LRRC4C: variants seen among roughly 807,000 people sequenced by gnomAD.
LRRC4C encodes the protein leucine-rich repeat-containing protein 4C.
A neutral mutation model predicts 33.6 loss-of-function variants in LRRC4C; 5 were observed. The observed-to-expected ratio is 0.15, with a 90% CI of 0.08 to 0.31. LRRC4C has a LOEUF of 0.31. LRRC4C is among the 10% of genes least tolerant of loss of function. LRRC4C has a pLI of 1.00. For missense variants in LRRC4C, 560 were observed against 796.7 expected (o/e 0.70, Z 3.58); for synonymous variants, 329 against 302.0 (o/e 1.09, Z -0.93).
chr11:41,080,342 C>CTTTTTTTTTTTTTTTTTTTTTTTTTTTTT (rs71060997), intron 1 of LRRC4C, among the ~76,000 whole-genome samples: 4 of 103,434 alleles, frequency 3.9e-5, no homozygotes, highest in African/African-American at 3.7e-5. Context: ...GAGTCTCCTC[C>CTTTTTTTTTTTTTTTTTTTTTTTTTTTTT]TTTTTTTTTT....
chr11:40,582,515 T>TCAG (rs779957834), intron 3 of LRRC4C, among the ~76,000 whole-genome samples: 13,947 of 98,216 alleles, frequency 0.14, 693 homozygotes, highest in Admixed American at 0.21. Flanking sequence ...CTTGTTCAGT[T>TCAG]TTTTTTTTTT....
At chr11:40,785,615 T>C (rs112580310) in intron 2 of LRRC4C, among the ~76,000 whole-genome samples, 14 of 152,322 alleles carry the variant, frequency 9.2e-5, no homozygotes, top group African/African-American at 3.4e-4. Flanking sequence ...CTTTATCTGA[T>C]TCACTGGAAG....
At chr11:40,879,494 G>A (rs1192778878) in intron 2 of LRRC4C, among the ~76,000 whole-genome samples, 1 of 152,134 alleles carries the variant, frequency 6.6e-6, no homozygotes, top group Non-Finnish European at 1.5e-5. Context: ...GAGTCCTGTG[G>A]GGGAAAACAG....
intron 1 of LRRC4C, among the ~76,000 whole-genome samples, chr11:41,385,576 TA>T (rs1187135578): frequency 4.0e-5 from 6 of 151,738 alleles, no homozygotes; most frequent in Non-Finnish European, 7.4e-5. Context: ...TAATGATTAC[TA>T]AAATATATCT....
At chr11:40,204,162 C>G (rs1288346665) in intron 5 of LRRC4C, among the ~76,000 whole-genome samples, 3 of 152,094 alleles carry the variant, frequency 2.0e-5, no homozygotes, top group Non-Finnish European at 2.9e-5. Context: ...AATGCCTAAC[C>G]TCAAGCAATT....
intron 1 of LRRC4C, among the ~76,000 whole-genome samples, chr11:41,206,411 C>T (rs1946604062): frequency 6.6e-6 from 1 of 152,106 alleles, no homozygotes; most frequent in African/African-American, 2.4e-5. Context: ...GTCTAATATT[C>T]CAACACAAGA....
At chr11:41,358,912 T>A (rs114176583) in intron 1 of LRRC4C, among the ~76,000 whole-genome samples, 2 of 152,182 alleles carry the variant, frequency 1.3e-5, no homozygotes, top group African/African-American at 4.8e-5. Flanking sequence ...CACACAAAGA[T>A]CTGCATATGA....
At chr11:40,706,649 C>A (rs887816719) in intron 2 of LRRC4C, among the ~76,000 whole-genome samples, 2 of 152,138 alleles carry the variant, frequency 1.3e-5, no homozygotes, top group African/African-American at 4.8e-5. Context: ...AGCCTGATGC[C>A]TCCAGCTTTG....
intron 1 of LRRC4C, among the ~76,000 whole-genome samples, chr11:40,974,329 G>A (rs1473050847): frequency 6.6e-6 from 1 of 152,056 alleles, no homozygotes; most frequent in Non-Finnish European, 1.5e-5. Flanking sequence ...TCAGAATTTA[G>A]TACATTTCTA....
chr11:40,490,848 T>C (rs1954112541), intron 3 of LRRC4C, among the ~76,000 whole-genome samples: 1 of 152,192 alleles, frequency 6.6e-6, no homozygotes, highest in Non-Finnish European at 1.5e-5. Flanking sequence ...AGAGTTTTTA[T>C]TTTTCTAGGA....
intron 3 of LRRC4C, among the ~76,000 whole-genome samples, chr11:40,427,842 C>A (rs1244151332): frequency 6.6e-6 from 1 of 151,680 alleles, no homozygotes; most frequent in Non-Finnish European, 1.5e-5. Context: ...AAACAAAAGA[C>A]CAAACCCAAA....
In LRRC4C at chr11:40,548,092, T is replaced by C. The variant is rs929316818; in HGVS notation, c.-270+100050A>G. Among the ~76,000 whole-genome samples, 4 of 152,072 alleles carry C rather than the reference T, an allele frequency of 2.6e-5. No individual in the cohort carries two copies. The East Asian group carries it at 7.8e-4, about 29-fold the overall frequency. On this transcript the variant is annotated intron_variant, in intron 3 of 6. Coordinates refer to ENST00000528697, the MANE Select transcript of LRRC4C (RefSeq NM_001258419.2). ...AAGCGGGAAAGAAGGAAAGTGTGCA[T>C]ATGTAGGTTGGGGAATTGAGGTGTG...
chr11:41,402,577 T>G (rs1954065635), intron 1 of LRRC4C, among the ~76,000 whole-genome samples: 1 of 152,026 alleles, frequency 6.6e-6, no homozygotes, highest in African/African-American at 2.4e-5. Flanking sequence ...TACATTTTAT[T>G]ATGTAAAAAA....
chr11:40,991,732 T>A (rs1853579284), intron 1 of LRRC4C, among the ~76,000 whole-genome samples: 2 of 152,186 alleles, frequency 1.3e-5, no homozygotes, highest in South Asian at 4.1e-4. Flanking sequence ...ATTCCTGGTA[T>A]ACACAGTTCA....
chr11:40,201,271 A>G (rs546861355), intron 5 of LRRC4C, among the ~76,000 whole-genome samples: 2 of 152,232 alleles, frequency 1.3e-5, no homozygotes, highest in African/African-American at 4.8e-5. Flanking sequence ...TGCAAATGAG[A>G]TATTTCATCA....
intron 3 of LRRC4C, among the ~76,000 whole-genome samples, chr11:40,504,866 T>C (rs1954956451): frequency 1.3e-5 from 2 of 152,176 alleles, no homozygotes; most frequent in South Asian, 2.1e-4. Context: ...TCTTAGATCA[T>C]AGCAATCCTA....
chr11:40,813,454 C>A (rs1002520048), intron 2 of LRRC4C, among the ~76,000 whole-genome samples: 1 of 152,000 alleles, frequency 6.6e-6, no homozygotes, highest in Non-Finnish European at 1.5e-5. Context: ...GGGAAAACTG[C>A]CCCATGATTC....
intron 1 of LRRC4C, among the ~76,000 whole-genome samples, chr11:41,013,652 A>T (rs1452068120): frequency 6.6e-6 from 1 of 152,218 alleles, no homozygotes; most frequent in African/African-American, 2.4e-5. Flanking sequence ...TTAGAGGCTG[A>T]GAAGTCCAAG....
intron 1 of LRRC4C, among the ~76,000 whole-genome samples, chr11:41,324,831 C>A (rs2137304885): frequency 6.6e-6 from 1 of 152,304 alleles, no homozygotes; most frequent in Non-Finnish European, 1.5e-5. Flanking sequence ...CTTGAATCTT[C>A]CCTGCTTCTT....
Sources: gnomAD v4.1 joint callset for allele counts (sites outside exome capture counted in the v4.1 genomes callset) on GRCh38, gnomAD v4.1.1 for gene constraint, MANE v1.5 for transcripts, NCBI Gene and HGNC (gene_info 2026-07-23, HGNC 2026-07-21) for gene names.